The following NBAS variants were observed in gnomAD, a reference collection of about 807,000 sequenced individuals.
NBAS encodes NAG/BC035112 fusion.
NBAS carries 219 observed loss-of-function variants against 302.5 expected under a neutral mutation model. The observed-to-expected ratio is 0.72, with a 90% CI of 0.65 to 0.81. The LOEUF is 0.81. Among genes scored for constraint, NBAS ranks in the 30% least tolerant of loss-of-function variants. The probability of loss-of-function intolerance (pLI) is 0.00; values close to 1 mark genes in which losing one functional copy is unlikely to be tolerated. For missense variants in NBAS, 2,932 were observed against 2,841.6 expected, an observed-to-expected ratio of 1.03 and a Z score of -0.72; for synonymous variants, 1,118 against 1,021.6, an observed-to-expected ratio of 1.09 and a Z score of -1.80.
At chr2:15,273,951 G>A (rs954572651) in intron 44 of NBAS, among the ~76,000 whole-genome samples, 27 of 151,632 alleles carry the variant, frequency 1.8e-4, no homozygotes, top group African/African-American at 4.8e-4. Context: ...GCATGGTGGC[G>A]GGCTCCTGTA....
At chr2:15,146,259 G>T in the NBAS span, among the ~76,000 whole-genome samples, 3 of 152,080 alleles carry the variant, frequency 2.0e-5, no homozygotes, top group Non-Finnish European at 4.4e-5. Context: ...AGAATAAATA[G>T]ACTATGGTGT....
At chr2:15,129,327 A>G in the NBAS span, among the ~76,000 whole-genome samples, 1 of 152,194 alleles carries the variant, frequency 6.6e-6, no homozygotes, top group African/African-American at 2.4e-5. Context: ...AGTAGCTCAG[A>G]GGAAATTCTT....
chr2:15,553,756 T>C (rs1573008634), intron 4 of NBAS, among the ~76,000 whole-genome samples: 12 of 84,912 alleles, frequency 1.4e-4, no homozygotes, highest in African/African-American at 1.9e-4. Context: ...CTCCCTCTCC[T>C]TCTCTTTACC....
the NBAS span, among the ~76,000 whole-genome samples, chr2:15,074,823 A>C: frequency 1.3e-5 from 2 of 152,322 alleles, no homozygotes; most frequent in East Asian, 3.9e-4. Context: ...GATCTCAAGC[A>C]CCACATATGG....
At chr2:15,350,534 A>G (rs1468635923) in intron 35 of NBAS, among the ~76,000 whole-genome samples, 1 of 152,188 alleles carries the variant, frequency 6.6e-6, no homozygotes, top group Non-Finnish European at 1.5e-5. Context: ...AATTCCCTGG[A>G]GCAAACACTG....
At chr2:14,967,243 A>G in the NBAS span, among the ~76,000 whole-genome samples, 1 of 152,218 alleles carries the variant, frequency 6.6e-6, no homozygotes, top group African/African-American at 2.4e-5. Context: ...ATATAGATTC[A>G]ATGCAATTTC....
chr2:15,063,499 CAATATAT>C, the NBAS span, among the ~76,000 whole-genome samples: 6 of 152,074 alleles, frequency 3.9e-5, no homozygotes, highest in African/African-American at 1.4e-4. Flanking sequence ...ACTGATTTTT[CAATATAT>C]AACGTTTTAT....
At chr2:14,860,754 G>A in the NBAS span, among the ~76,000 whole-genome samples, 2 of 152,156 alleles carry the variant, frequency 1.3e-5, no homozygotes, top group East Asian at 3.8e-4. Flanking sequence ...GATAGAAGAA[G>A]TAAGACGTGG....
At chr2:15,312,412 G>T (rs543113547) in intron 38 of NBAS, among the ~76,000 whole-genome samples, 1 of 152,234 alleles carries the variant, frequency 6.6e-6, no homozygotes, top group East Asian at 1.9e-4. Flanking sequence ...TAGCTAGAAT[G>T]ACAGGCGTGT....
chr2:15,379,711 G>A lies in NBAS; in HGVS notation c.3481C>T (p.Pro1161Ser), dbSNP rs368110991. Reference sequence around the variant, plus strand: ...TTTTCGTAGCTGACCCTGTAGTGGGGTTTCCCTTTATGGGCTATACCAGCT... The same window carrying A: ...TTTTCGTAGCTGACCCTGTAGTGGGATTTCCCTTTATGGGCTATACCAGCT... The part of the protein sequence containing the change: ...PPAGIAHKGK[P>S]HYRVSYEKSI... The change falls in exon 30 of 52, where the codon CCC (proline) becomes TCC (serine). Residue 1161 changes from proline to serine, a missense_variant. Pro to Ser is a moderately conservative substitution (Grantham distance 74). Transcript: ENST00000281513. 3.1e-6 allele frequency: 5 copies of A among 1,613,926 alleles called. No individual in the cohort carries two copies. In the African/African-American group the frequency reaches 6.7e-5, roughly 22 times the overall value.
the NBAS span, among the ~76,000 whole-genome samples, chr2:14,856,253 C>G: frequency 1.3e-5 from 2 of 151,918 alleles, no homozygotes; most frequent in Non-Finnish European, 2.9e-5. Flanking sequence ...TGGGGTGTCC[C>G]CTAAAGCAAA....
chr2:15,064,849 TA>T, the NBAS span, among the ~76,000 whole-genome samples: 1 of 152,046 alleles, frequency 6.6e-6, no homozygotes, highest in Admixed American at 6.6e-5. Flanking sequence ...CTTAATAAAA[TA>T]ATACCAAATC....
At chr2:14,783,482 C>T in the NBAS span, among the ~76,000 whole-genome samples, 17 of 127,686 alleles carry the variant, frequency 1.3e-4, no homozygotes, top group Admixed American at 4.3e-4. Context: ...CCCCCCACCC[C>T]GCAACAGTCC....
rs144387245 is a variant in NBAS, at chr2:15,255,316, A to G, written c.5725-16630T>C. ...TTTGATTTGCATTTCCCTGATAATT[A>G]GTGATGTTGAACATTTTTTCTTGTT... On this transcript the variant is annotated intron_variant, in intron 44 of 51. Coordinates refer to ENST00000281513, the MANE Select transcript of NBAS (RefSeq NM_015909.4). Among the ~76,000 whole-genome samples the G allele has an allele frequency of 7.2e-5, 11 of 152,298 alleles. No individual in the cohort carries two copies. In the East Asian group the frequency reaches 2.1e-3, roughly 29 times the overall value.
At chr2:14,919,983 A>T in the NBAS span, among the ~76,000 whole-genome samples, 3 of 152,318 alleles carry the variant, frequency 2.0e-5, no homozygotes, top group South Asian at 4.1e-4. Context: ...TCTTAATGGC[A>T]TCTGGAATGC....
Position 15,467,343 on chromosome 2 carries a change from G to A in NBAS, c.2083C>T (p.Leu695Phe), listed in dbSNP as rs1319105407. The change falls in exon 19 of 52, where the codon CTT (leucine) becomes TTT (phenylalanine). Residue 695 changes from leucine (L) to phenylalanine (F), a missense_variant. Transcript: ENST00000281513. ...TTATTCATTACCTCATATGTTGCAAGTCGATCTAAGTAGGTTAATAACTTC... is the reference window on the plus strand; with the variant it reads ...TTATTCATTACCTCATATGTTGCAAATCGATCTAAGTAGGTTAATAACTTC... ...RRKLLTYLDR[L>F]ATYEEILGVP... The A allele has an allele frequency of 1.2e-6, 2 of 1,612,218 alleles. No homozygotes were observed. Among genetic ancestry groups the A allele is most frequent in the Non-Finnish European group, 1.7e-6 (2 of 1,178,440 alleles).
the NBAS span, among the ~76,000 whole-genome samples, chr2:14,937,568 G>T: frequency 6.6e-6 from 1 of 152,102 alleles, no homozygotes; most frequent in Non-Finnish European, 1.5e-5. Flanking sequence ...AATGGGAATC[G>T]CTGGGCTAAA....
At chr2:14,897,956 G>A in the NBAS span, among the ~76,000 whole-genome samples, 13 of 152,118 alleles carry the variant, frequency 8.5e-5, no homozygotes, top group South Asian at 4.1e-4. Flanking sequence ...TTCCTGGCTG[G>A]GCCAGAGTGA....
intron 16 of NBAS, among the ~76,000 whole-genome samples, chr2:15,470,774 A>G (rs1183415475): frequency 5.3e-5 from 8 of 152,114 alleles, no homozygotes; most frequent in African/African-American, 1.7e-4. Context: ...GTTATTTTTA[A>G]TATGGTGAAC....
Sources: gnomAD v4.1 joint callset for allele counts (sites outside exome capture counted in the v4.1 genomes callset) on GRCh38, gnomAD v4.1.1 for gene constraint, MANE v1.5 for transcripts, NCBI Gene and HGNC (gene_info 2026-07-23, HGNC 2026-07-21) for gene names.